ATP11A: variants seen among roughly 807,000 people sequenced by gnomAD.
ATP11A encodes phospholipid-transporting ATPase IH.
ATP11A carries 81 observed loss-of-function variants against 154.4 expected under a neutral mutation model. The observed-to-expected ratio is 0.52, with a 90% CI of 0.44 to 0.63. ATP11A has a LOEUF of 0.63. ATP11A is among the 30% of genes least tolerant of loss of function. The pLI, the probability that ATP11A is intolerant of heterozygous loss-of-function variation, is 0.00. For missense variants in ATP11A, 1,316 were observed against 1,474.3 expected, an observed-to-expected ratio of 0.89 and a Z score of 1.76; for synonymous variants, 623 against 585.9, an observed-to-expected ratio of 1.06 and a Z score of -0.91.
intron 17 of ATP11A, among the ~76,000 whole-genome samples, chr13:112,849,194 G>A (rs1429383780): frequency 1.3e-5 from 2 of 152,202 alleles, no homozygotes; most frequent in African/African-American, 4.8e-5. Flanking sequence ...AACCCCACTT[G>A]GTCGTGGTGT....
intron 29 of ATP11A, among the ~76,000 whole-genome samples, chr13:112,878,890 C>T (rs574707613): frequency 1.3e-5 from 2 of 152,376 alleles, no homozygotes; most frequent in East Asian, 3.9e-4. Context: ...TGTTTGGTGT[C>T]AAATGTTTGA....
At chr13:112,691,185 C>T (rs1185044762) in intron 1 of ATP11A, among the ~76,000 whole-genome samples, 1 of 151,984 alleles carries the variant, frequency 6.6e-6, no homozygotes, top group East Asian at 1.9e-4. Flanking sequence ...GGGTGTGTGG[C>T]CGGGCGCGGT....
chr13:112,831,627 G>A (rs1395670775), intron 13 of ATP11A, 79 bp downstream of exon 13: 23 of 1,513,122 alleles, frequency 1.5e-5, no homozygotes, highest in African/African-American at 6.9e-5. Flanking sequence ...CTTTTCACTC[G>A]AGTGTCCAGG....
intron 1 of ATP11A, among the ~76,000 whole-genome samples, chr13:112,740,145 TC>T (rs1414442119): frequency 9.5e-6 from 1 of 104,958 alleles, no homozygotes; most frequent in Non-Finnish European, 1.9e-5. Flanking sequence ...TCTCTCTCTC[TC>T]TCTATATATA....
intron 1 of ATP11A, among the ~76,000 whole-genome samples, chr13:112,769,278 C>T (rs1488040498): frequency 6.6e-6 from 1 of 152,230 alleles, no homozygotes; most frequent in Non-Finnish European, 1.5e-5. Context: ...GGCCCCACGG[C>T]GTGCCTGCAG....
intron 1 of ATP11A, among the ~76,000 whole-genome samples, chr13:112,723,940 A>G (rs1309130784): frequency 6.6e-6 from 1 of 152,020 alleles, no homozygotes; most frequent in African/African-American, 2.4e-5. Flanking sequence ...CTCGGGTGGC[A>G]TGTGCGGGGA....
At chr13:112,713,317 C>T (rs935071142) in intron 1 of ATP11A, among the ~76,000 whole-genome samples, 5 of 152,114 alleles carry the variant, frequency 3.3e-5, no homozygotes, top group African/African-American at 1.2e-4. Context: ...ATTGCTTGAA[C>T]CTGGGAGGCG....
intron 26 of ATP11A, 149 bp downstream of exon 26, chr13:112,871,949 C>T (rs2080536555): frequency 2.5e-6 from 2 of 813,334 alleles, no homozygotes; most frequent in South Asian, 3.2e-5. Flanking sequence ...TGGGGCACCC[C>T]TGGGCATCCT....
At chr13:112,765,415 C>T (rs930225688) in intron 1 of ATP11A, among the ~76,000 whole-genome samples, 1 of 152,228 alleles carries the variant, frequency 6.6e-6, no homozygotes. Flanking sequence ...CCGGGCAGGC[C>T]CCGCCTCTGC....
chr13:112,788,889 G>A (rs1048900339), intron 2 of ATP11A, among the ~76,000 whole-genome samples: 3 of 151,700 alleles, frequency 2.0e-5, no homozygotes, highest in South Asian at 2.1e-4. Context: ...AGACTCCTAT[G>A]TAGACCTATT....
intron 1 of ATP11A, among the ~76,000 whole-genome samples, chr13:112,723,108 G>C (rs1166754568): frequency 6.6e-6 from 1 of 152,020 alleles, no homozygotes; most frequent in Admixed American, 6.5e-5. Flanking sequence ...GCCCGCAGGC[G>C]GGACTTAACC....
At chr13:112,792,111 G>A (rs551047132) in intron 2 of ATP11A, among the ~76,000 whole-genome samples, 13 of 152,302 alleles carry the variant, frequency 8.5e-5, no homozygotes, top group African/African-American at 3.1e-4. Context: ...AGTTTCAAGT[G>A]GATGAGGTTG....
intron 2 of ATP11A, among the ~76,000 whole-genome samples, chr13:112,802,552 CAAAAAAAAA>C (rs35889771): frequency 1.2e-5 from 1 of 80,948 alleles, no homozygotes; most frequent in Non-Finnish European, 2.4e-5. Context: ...ACTGGACATG[CAAAAAAAAA>C]AAAAAAAAAA....
Position 112,816,221 on chromosome 13 carries a change from C to A in ATP11A, c.570+10C>A, listed in dbSNP as rs1364388317. 14 of 1,614,040 alleles carry A rather than the reference C, an allele frequency of 8.7e-6. No individual in the cohort carries two copies. In the East Asian group the frequency reaches 2.9e-4, roughly 33 times the overall value. The stretch of plus-strand genomic sequence containing the variant: ...AGAATCCAGCCATAAAGTAAGGGGC[C>A]TTTTCATTAGACTCCAGGGCAGGAT... On this transcript the variant is annotated intron_variant, in intron 6 of 29. Transcript: ENST00000375645.
Position 112,824,341 on chromosome 13 carries a change from T to C in ATP11A, c.791-3T>C. The C allele has an allele frequency of 6.2e-7, 1 of 1,612,864 alleles. No homozygotes were observed. Among genetic ancestry groups the C allele is most frequent in the South Asian group, 1.1e-5 (1 of 91,050 alleles). ...TCATCACCCTTGCTCTTCCTCTCTGTAGGTGTGGCTATTTACACGGGAATG... is the reference window on the plus strand; with the variant it reads ...TCATCACCCTTGCTCTTCCTCTCTGCAGGTGTGGCTATTTACACGGGAATG... On this transcript the variant is annotated splice_polypyrimidine_tract_variant and splice_region_variant and intron_variant, in intron 9 of 29. Coordinates refer to ENST00000375645, the MANE Select transcript of ATP11A (RefSeq NM_015205.3).
rs1376183081 is a variant in ATP11A, at chr13:112,884,528, T to C, written c.*2662T>C. On this transcript the variant is annotated 3_prime_UTR_variant, in exon 30 of 30. Transcript: ENST00000375645. The stretch of plus-strand genomic sequence containing the variant: ...GGGCACGAGATAAAAAAGAAAAGGA[T>C]GAGAAGATCCTCAGTGAATGACGTT... 2.6e-5 allele frequency: 4 copies of C among 152,202 alleles called. No homozygotes were observed. The highest frequency in any genetic ancestry group is 9.7e-5 in the African/African-American group (4 of 41,448). 9.4% of individuals were successfully genotyped at this position (152,202 alleles called of 1,614,324 possible). A position where few individuals can be genotyped will look rare whatever the true frequency, so the allele number is the denominator to read the frequency against.
chr13:112,816,418 G>A (rs879620485), intron 6 of ATP11A, among the ~76,000 whole-genome samples: 3 of 151,904 alleles, frequency 2.0e-5, no homozygotes, highest in Non-Finnish European at 4.4e-5. Context: ...AAATTGTATT[G>A]TGTATATTTG....
In ATP11A at chr13:112,882,463, T is replaced by C; in HGVS notation, c.*597T>C. 1 of 461,486 alleles carries C rather than the reference T, an allele frequency of 2.2e-6. No individual in the cohort carries two copies. The highest frequency in any genetic ancestry group is 3.8e-6 in the Non-Finnish European group (1 of 260,552). 28.6% of individuals were successfully genotyped at this position (461,486 alleles called of 1,614,324 possible). The stretch of plus-strand genomic sequence containing the variant: ...GGTGGAGCCATGGTGGTGCGTCCTT[T>C]ACTCAACAACCCTCCAATCCGGATG... On this transcript the variant is annotated 3_prime_UTR_variant, in exon 30 of 30. Coordinates refer to ENST00000375645, the MANE Select transcript of ATP11A (RefSeq NM_015205.3). This position sits in a 1 kb window ranked among gnomAD's most constrained non-coding sequence, Gnocchi z 5.1.
Position 112,857,866 on chromosome 13 carries a change from A to AT in ATP11A, c.2469dup (p.Gly824TrpfsTer6). 6.2e-7 allele frequency: 1 copy of AT among 1,614,228 alleles called. No individual in the cohort carries two copies. The highest frequency in any genetic ancestry group is 8.5e-7 in the Non-Finnish European group (1 of 1,180,040). ...AAAAGAGCACCCAATCACGTTAGCA[A>AT]TTGGCGATGGTGCAAATGATGTCAG... is the stretch of plus-strand genomic sequence containing the variant. On this transcript the variant is annotated frameshift_variant, in exon 21 of 30. Coordinates refer to ENST00000375645, the MANE Select transcript of ATP11A (RefSeq NM_015205.3).
Sources: gnomAD v4.1 joint callset for allele counts (sites outside exome capture counted in the v4.1 genomes callset) on GRCh38, gnomAD v4.1.1 for gene constraint, Gnocchi (gnomAD v3.1) non-coding constraint, MANE v1.5 for transcripts, NCBI Gene and HGNC (gene_info 2026-07-23, HGNC 2026-07-21) for gene names.